SLC23A2: variants seen among roughly 807,000 people sequenced by gnomAD.
SLC23A2 encodes Na(+)/L-ascorbic acid transporter 2.
SLC23A2 carries 36 observed loss-of-function variants against 73.3 expected under a neutral mutation model. That is an observed-to-expected ratio of 0.49 (90% CI 0.38 to 0.65). The LOEUF (loss-of-function observed/expected upper bound fraction) is 0.65, where lower values mean the gene tolerates loss of function less well. Among genes scored for constraint, SLC23A2 ranks in the 30% least tolerant of loss-of-function variants. The pLI, the probability that SLC23A2 is intolerant of heterozygous loss-of-function variation, is 0.00. For missense variants in SLC23A2, 507 were observed against 841.6 expected (o/e 0.60, Z 4.92); for synonymous variants, 343 against 327.3 (o/e 1.05, Z -0.52).
chr20:4,935,972 T>C (rs1049234225), intron 2 of SLC23A2, among the ~76,000 whole-genome samples: 2 of 152,208 alleles, frequency 1.3e-5, no homozygotes, highest in Non-Finnish European at 2.9e-5. Context: ...GTCCTTCGCC[T>C]ATTTTCTATA....
At chr20:4,884,940 A>G (rs1469647942) in intron 7 of SLC23A2, 117 bp from the exon 8 acceptor site, 1 of 598,132 alleles carries the variant, frequency 1.7e-6, no homozygotes, top group African/African-American at 1.9e-5. Context: ...TTCAATCCCC[A>G]TCCCTAAAAT....
intron 2 of SLC23A2, among the ~76,000 whole-genome samples, chr20:4,939,402 G>A (rs1024581358): frequency 1.4e-4 from 21 of 152,144 alleles, no homozygotes; most frequent in Non-Finnish European, 2.8e-4. Flanking sequence ...AATGTACACC[G>A]ACCAAGAAAG....
At chr20:4,971,705 T>G (rs1024211625) in intron 1 of SLC23A2, among the ~76,000 whole-genome samples, 1 of 151,918 alleles carries the variant, frequency 6.6e-6, no homozygotes, top group African/African-American at 2.4e-5. Flanking sequence ...GAGGATTCCT[T>G]GAGCCCAGGA....
intron 1 of SLC23A2, among the ~76,000 whole-genome samples, chr20:4,987,845 CA>C (rs530611134): frequency 6.7e-4 from 91 of 135,578 alleles, no homozygotes; most frequent in Non-Finnish European, 3.9e-4. Context: ...GACTCCATCT[CA>C]AAAAAAAAAA....
intron 1 of SLC23A2, among the ~76,000 whole-genome samples, chr20:4,992,897 C>A (rs2087951289): frequency 6.6e-6 from 1 of 151,952 alleles, no homozygotes; most frequent in African/African-American, 2.4e-5. Flanking sequence ...GTTGAGTATT[C>A]CTAATTCAAA....
chr20:4,874,615 T>C lies in SLC23A2; in HGVS notation c.906A>G (p.Gly302=). The change falls in exon 10 of 17, where the codon GGA becomes GGG. Residue 302 remains glycine (G), a synonymous_variant. Transcript: ENST00000338244. ...FPLPIYKSKK[G]WTAYKLQLFK... ...ACAGCTGTAACTTGTACGCAGTCCA[T>C]CCTTTCTTGGATTTATAAATCGGGA... 1 of 1,613,080 alleles carries C rather than the reference T, an allele frequency of 6.2e-7. No homozygotes were observed. The highest frequency in any genetic ancestry group is 8.5e-7 in the Non-Finnish European group (1 of 1,179,540).
At chr20:4,982,151 C>T (rs1386903981) in intron 1 of SLC23A2, among the ~76,000 whole-genome samples, 3 of 151,486 alleles carry the variant, frequency 2.0e-5, no homozygotes, top group Non-Finnish European at 4.4e-5. Flanking sequence ...TGTATCACCA[C>T]GCCCAGCTAA....
Position 4,863,038 on chromosome 20 carries a change from T to G in SLC23A2, c.1357-131A>C. 1.2e-6 allele frequency: 1 copy of G among 839,280 alleles called. No individual in the cohort carries two copies. The highest frequency in any genetic ancestry group is 1.8e-6 in the Non-Finnish European group (1 of 547,542). The allele number at this position is 839,280 out of a possible 1,614,324, so 52.0% of individuals were successfully genotyped here. On this transcript the variant is annotated intron_variant, in intron 13 of 16. Coordinates refer to ENST00000338244, the MANE Select transcript of SLC23A2 (RefSeq NM_005116.6). The surrounding 1 kb of genome is among the most constrained non-coding windows in gnomAD (Gnocchi z 4.8). ...CCTTCACCTCCTCCTCAGCCCACTCTTCTCACCTCCACTGTGGGGACCCTG... is the reference window on the plus strand; with the variant it reads ...CCTTCACCTCCTCCTCAGCCCACTCGTCTCACCTCCACTGTGGGGACCCTG...
chr20:4,966,466 C>T (rs988757651), intron 2 of SLC23A2, among the ~76,000 whole-genome samples: 26 of 151,964 alleles, frequency 1.7e-4, no homozygotes, highest in Non-Finnish European at 3.7e-4. Context: ...ACGTGTTGGT[C>T]CAACTGGTAT....
chr20:4,955,356 A>AACACACACACACAC (rs71197734), intron 2 of SLC23A2, among the ~76,000 whole-genome samples: 1 of 144,720 alleles, frequency 6.9e-6, no homozygotes, highest in African/African-American at 2.5e-5. Context: ...AATGAGTTAA[A>AACACACACACACAC]ACACACACAC....
rs201154524 is a variant in SLC23A2, at chr20:4,857,139, C to T, written c.1786G>A (p.Asp596Asn). The change falls in exon 17 of 17, where the codon GAC becomes AAC. Residue 596 changes from aspartate (D) to asparagine (N), a missense_variant. Coordinates refer to ENST00000338244, the MANE Select transcript of SLC23A2 (RefSeq NM_005116.6). The surrounding 1 kb of genome is among the most constrained non-coding windows in gnomAD (Gnocchi z 4.0). ...GGCAAATTGTACGACTCCATGCCGT[C>T]GAGTGATTTGTTCCCTTTGCCCACA... ...KGVGKGNKSL[D>N]GMESYNLPFG... The T allele has an allele frequency of 1.2e-5, 20 of 1,614,102 alleles. No individual in the cohort carries two copies. Among genetic ancestry groups the T allele is most frequent in the Middle Eastern group, 1.6e-4 (1 of 6,062 alleles).
intron 2 of SLC23A2, among the ~76,000 whole-genome samples, chr20:4,952,893 T>C (rs912692697): frequency 2.0e-5 from 3 of 151,344 alleles, no homozygotes; most frequent in South Asian, 2.1e-4. Context: ...CGTGGTGGCA[T>C]GTACCTGTAA....
chr20:4,886,124 C>T, intron 6 of SLC23A2: 1 of 495,184 alleles, frequency 2.0e-6, no homozygotes, highest in Non-Finnish European at 3.6e-6. Flanking sequence ...CTCCTCCCAC[C>T]CAGGCAGCTC....
chr20:4,980,977 G>C (rs902911817), intron 1 of SLC23A2, among the ~76,000 whole-genome samples: 26 of 152,072 alleles, frequency 1.7e-4, no homozygotes, highest in African/African-American at 5.8e-4. Flanking sequence ...CACTAATTCT[G>C]ACCTTAGTTC....
intron 6 of SLC23A2, among the ~76,000 whole-genome samples, chr20:4,895,174 A>G (rs1195598721): frequency 6.6e-6 from 1 of 152,248 alleles, no homozygotes; most frequent in Non-Finnish European, 1.5e-5. Context: ...CTGGACACGA[A>G]AAACTTTTCC....
Position 4,862,078 on chromosome 20 carries a change from G to A in SLC23A2, c.1494C>T (p.Ile498=), listed in dbSNP as rs749422389. 8.1e-6 allele frequency: 13 copies of A among 1,614,134 alleles called. No homozygotes were observed. The East Asian group carries it at 2.9e-4, about 36-fold the overall frequency. The part of the protein sequence containing the change: ...GALFCTLFGM[I]TAVGLSNLQF... ...GCAGGTTAGAGAGGCCAACAGCTGT[G>A]ATCATTCCTGGAGAAAAACAAACCA... The change falls in exon 15 of 17, where the codon ATC becomes ATT. Residue 498 remains isoleucine, a synonymous_variant. Coordinates refer to ENST00000338244, the MANE Select transcript of SLC23A2 (RefSeq NM_005116.6). This position sits in a 1 kb window ranked among gnomAD's most constrained non-coding sequence, Gnocchi z 5.1.
In SLC23A2 at chr20:4,855,704, T is replaced by A. The variant is rs1396283146; in HGVS notation, c.*1268A>T. On this transcript the variant is annotated 3_prime_UTR_variant, in exon 17 of 17. Transcript: ENST00000338244. ...CGGGACAGACCGGCGGACAGACCGT[T>A]CCACGTGGCGGCTCTGCGTGTTACC... 1 of 152,660 alleles carries A rather than the reference T, an allele frequency of 6.6e-6. No individual in the cohort carries two copies. Among genetic ancestry groups the A allele is most frequent in the Non-Finnish European group, 1.5e-5 (1 of 68,054 alleles). 9.5% of individuals were successfully genotyped at this position (152,660 alleles called of 1,614,324 possible).
chr20:4,910,594 C>G (rs1315671258), intron 4 of SLC23A2, among the ~76,000 whole-genome samples: 3 of 152,088 alleles, frequency 2.0e-5, no homozygotes, highest in Non-Finnish European at 4.4e-5. Context: ...TGACACCCCT[C>G]CTGGCTAATT....
At position 4,883,812 on chromosome 20, in the gene SLC23A2, G is replaced by A. The variant is rs1930986929; in HGVS notation, c.654C>T (p.Ala218=). 3 of 1,608,502 alleles carry A rather than the reference G, an allele frequency of 1.9e-6. No individual in the cohort carries two copies. Among genetic ancestry groups the A allele is most frequent in the Non-Finnish European group, 2.5e-6 (3 of 1,177,278 alleles). Reference sequence around the variant, plus strand: ...CTTCTATCAGTGAGGACATGATGATGGCCCCCTGGATCTGCAACAAGAGAT... The same window carrying A: ...CTTCTATCAGTGAGGACATGATGATAGCCCCCTGGATCTGCAACAAGAGAT... The part of the protein sequence containing the change: ...WYPRIREIQG[A]IIMSSLIEVV... Residue 218 remains alanine, a synonymous_variant, in exon 9 of 17, where the codon GCC becomes GCT. Coordinates refer to ENST00000338244, the MANE Select transcript of SLC23A2 (RefSeq NM_005116.6). The surrounding 1 kb of genome is among the most constrained non-coding windows in gnomAD (Gnocchi z 4.5).
Sources: gnomAD v4.1 joint callset for allele counts (sites outside exome capture counted in the v4.1 genomes callset) on GRCh38, gnomAD v4.1.1 for gene constraint, Gnocchi (gnomAD v3.1) non-coding constraint, MANE v1.5 for transcripts, NCBI Gene and HGNC (gene_info 2026-07-23, HGNC 2026-07-21) for gene names.